Variants in MACF1 observed in about 807,000 individuals in gnomAD.
The protein encoded by MACF1 is microtubule actin crosslinking factor 1.
MACF1 carries 193 observed loss-of-function variants against 854.8 expected under a neutral mutation model. That is an observed-to-expected ratio of 0.23 (90% CI 0.20 to 0.25). The LOEUF (loss-of-function observed/expected upper bound fraction) is 0.25. MACF1 is among the 10% of genes least tolerant of loss of function. The probability of loss-of-function intolerance (pLI) is 1.00; values close to 1 mark genes in which losing one functional copy is unlikely to be tolerated. For missense variants in MACF1, 7,722 were observed against 8,929.1 expected (o/e 0.86, Z 5.45); for synonymous variants, 3,185 against 3,226.7 (o/e 0.99, Z 0.44).
At chr1:39,452,653 A>T in intron 86 of MACF1, 31 bp from the exon 87 acceptor site, 1 of 1,611,584 alleles carries the variant, frequency 6.2e-7, no homozygotes, top group African/African-American at 1.3e-5. Context: ...CTGCAGAGAG[A>T]GGTTGAATCT....
At chr1:39,442,376 G>A (rs369607216) in intron 76 of MACF1, 36 bp from the exon 77 acceptor site, 18 of 1,607,716 alleles carry the variant, frequency 1.1e-5, no homozygotes, top group East Asian at 8.9e-5. Context: ...TTCTAATTTC[G>A]TATTGAATAT....
intron 38 of MACF1, 30 bp from the exon 39 acceptor site, chr1:39,340,472 T>C: frequency 6.5e-7 from 1 of 1,540,414 alleles, no homozygotes; most frequent in Middle Eastern, 1.7e-4. Context: ...TAGTCTTGCT[T>C]TTATAGGTAA....
chr1:39,107,671 C>G (rs942739634), intron 2 of MACF1, among the ~76,000 whole-genome samples: 1 of 152,112 alleles, frequency 6.6e-6, no homozygotes, highest in Non-Finnish European at 1.5e-5. Flanking sequence ...TTTGTCTAAG[C>G]AGAGGAGTGA....
chr1:39,138,539 C>T (rs1340290841), intron 2 of MACF1, among the ~76,000 whole-genome samples: 1 of 148,830 alleles, frequency 6.7e-6, no homozygotes, highest in African/African-American at 2.5e-5. Flanking sequence ...GAGCAGAGAT[C>T]GCGCCACTGC....
intron 2 of MACF1, among the ~76,000 whole-genome samples, chr1:39,110,683 A>G (rs542558208): frequency 6.6e-6 from 1 of 152,316 alleles, no homozygotes; most frequent in African/African-American, 2.4e-5. Flanking sequence ...CTGGGAAATC[A>G]CAAGTTTTGG....
rs1273760115 is a variant in MACF1, at chr1:39,370,150, T to A, written c.13059T>A (p.Ser4353Arg). The A allele has an allele frequency of 6.2e-7, 1 of 1,613,350 alleles. No individual in the cohort carries two copies. The highest frequency in any genetic ancestry group is 8.5e-7 in the Non-Finnish European group (1 of 1,179,752). The change falls in exon 51 of 101, where the codon AGT becomes AGA. Residue 4353 changes from serine (S) to arginine (R), a missense_variant. Coordinates refer to ENST00000564288, the MANE Select transcript of MACF1 (RefSeq NM_001394062.1). ...GSIPPTETSM[S>R]AKELEKQIEH... ...TTCCACCTACGGAAACTTCTATGAG[T>A]GCTAAAGAGTTAGAAAAGCAGATTG...
chr1:39,343,918 C>T (rs1276433602), intron 40 of MACF1, among the ~76,000 whole-genome samples: 1 of 151,284 alleles, frequency 6.6e-6, no homozygotes, highest in East Asian at 2.0e-4. Flanking sequence ...GAGTTTGAGA[C>T]CAGCCTGACC....
chr1:39,286,423 C>A lies in MACF1; in HGVS notation c.1508+665C>A, dbSNP rs139866392. 4.6e-3 allele frequency among the ~76,000 whole-genome samples: 695 copies of A among 152,046 alleles called. 5 individuals are homozygous for A. The highest frequency in any genetic ancestry group is 0.016 in the African/African-American group (662 of 41,476). ...TTTTTATAGGGGGGAAAATTGAGAC[C>A]CACAGAAGATGAAAATTATGTAAAG... On this transcript the variant is annotated intron_variant, in intron 14 of 100. Coordinates refer to ENST00000564288, the MANE Select transcript of MACF1 (RefSeq NM_001394062.1).
At chr1:39,479,323 T>G (rs1174092474) in intron 97 of MACF1, among the ~76,000 whole-genome samples, 1 of 152,236 alleles carries the variant, frequency 6.6e-6, no homozygotes, top group Non-Finnish European at 1.5e-5. Flanking sequence ...GGATTGTTAC[T>G]GACTGAATTC....
Position 39,357,783 on chromosome 1 carries a change from T to C in MACF1, c.11833T>C (p.Leu3945=), listed in dbSNP as rs1647714696. The change falls in exon 45 of 101, where the codon TTG becomes CTG. Residue 3945 remains leucine, a synonymous_variant. Coordinates refer to ENST00000564288, the MANE Select transcript of MACF1 (RefSeq NM_001394062.1). The part of the protein sequence containing the change: ...RFVTISGQKV[L]DMENSFKEGK... Reference sequence around the variant, plus strand: ...TGTGACTATCTCAGGACAGAAAGTCTTGGACATGGAAAACAGTTTTAAGGA... The same window carrying C: ...TGTGACTATCTCAGGACAGAAAGTCCTGGACATGGAAAACAGTTTTAAGGA... The C allele has an allele frequency of 6.2e-7, 1 of 1,614,078 alleles. No homozygotes were observed. Among genetic ancestry groups the C allele is most frequent in the Non-Finnish European group, 8.5e-7 (1 of 1,180,006 alleles).
At chr1:39,103,691 T>A (rs1184647143) in intron 2 of MACF1, 1 of 152,398 alleles carries the variant, frequency 6.6e-6, no homozygotes, top group African/African-American at 2.4e-5. Context: ...TTTGTTTGTT[T>A]GTTTTAGCAC....
intron 58 of MACF1, among the ~76,000 whole-genome samples, chr1:39,390,735 G>T (rs1225745204): frequency 6.6e-6 from 1 of 152,108 alleles, no homozygotes; most frequent in African/African-American, 2.4e-5. Context: ...TTGCATCCAG[G>T]CTATTTAGAA....
At chr1:39,277,713 GT>G (rs1022664169) in intron 6 of MACF1, among the ~76,000 whole-genome samples, 3 of 152,202 alleles carry the variant, frequency 2.0e-5, no homozygotes, top group Non-Finnish European at 2.9e-5. Flanking sequence ...GGCATTGCTA[GT>G]TTGGATTACT....
rs962404316 is a variant in MACF1, at chr1:39,458,487, G to A, written c.21193G>A (p.Gly7065Ser). ...APFIEKSRSGGRKSLSQPTPP... is the reference protein window; with the variant it reads ...APFIEKSRSGSRKSLSQPTPP... ...TTTCATAGAGAAATCCCGCAGCGGA[G>A]GCAGTATGTTTCCAGCCCCCTGTGT... Residue 7065 changes from glycine to serine, a missense_variant, in exon 90 of 101, where the codon GGC (glycine) becomes AGC (serine). Coordinates refer to ENST00000564288, the MANE Select transcript of MACF1 (RefSeq NM_001394062.1). The A allele has an allele frequency of 3.1e-6, 5 of 1,612,984 alleles. No homozygotes were observed. The African/African-American group carries it at 6.7e-5, about 22-fold the overall frequency.
chr1:39,155,990 C>T (rs1643676317), intron 2 of MACF1, among the ~76,000 whole-genome samples: 1 of 152,246 alleles, frequency 6.6e-6, no homozygotes, highest in East Asian at 1.9e-4. Flanking sequence ...CGGGTTCACA[C>T]CATTCTCCTG....
At chr1:39,457,119 T>G (rs1644456084) in intron 89 of MACF1, 2 of 152,392 alleles carry the variant, frequency 1.3e-5, no homozygotes, top group South Asian at 4.1e-4. Flanking sequence ...ATAAAGCTTC[T>G]GCATCTTTTT....
Position 39,180,157 on chromosome 1 carries a change from G to A in MACF1, c.221-51025G>A, listed in dbSNP as rs374722343. ...CTAAATAAACAAATTTAAGTAAAAAGTATTTGTTATATAAATGCAGGATGA... is the reference window on the plus strand; with the variant it reads ...CTAAATAAACAAATTTAAGTAAAAAATATTTGTTATATAAATGCAGGATGA... On this transcript the variant is annotated intron_variant, in intron 2 of 93. Transcript: ENST00000361689. Among the ~76,000 whole-genome samples the A allele has an allele frequency of 4.5e-3, 689 of 152,136 alleles. 6 individuals are homozygous for A. The highest frequency in any genetic ancestry group is 0.042 in the South Asian group (202 of 4,816).
chr1:39,361,140 G>T (rs1442528798), intron 48 of MACF1, 139 bp downstream of exon 48: 1 of 862,958 alleles, frequency 1.2e-6, no homozygotes, highest in African/African-American at 1.7e-5. Flanking sequence ...ACTAATCTAT[G>T]TAAAGATATT....
At chr1:39,128,513 G>A (rs893590316) in intron 2 of MACF1, among the ~76,000 whole-genome samples, 9 of 152,096 alleles carry the variant, frequency 5.9e-5, no homozygotes, top group African/African-American at 1.9e-4. Context: ...TGGCTAGCAC[G>A]GTGAAACCTC....
Sources: allele counts gnomAD v4.1 joint callset (sites outside exome capture counted in the v4.1 genomes callset), GRCh38; gene constraint gnomAD v4.1.1; transcripts MANE v1.5; gene names NCBI Gene and HGNC (gene_info 2026-07-23, HGNC 2026-07-21).